Variants in ZNF708 observed in about 807,000 individuals in gnomAD.
The protein encoded by ZNF708 is zinc finger protein 708, also known as ZNF15, ZNF15L1.
A neutral mutation model predicts 47.0 loss-of-function variants in ZNF708; 44 were observed. The observed-to-expected ratio is 0.94, with a 90% CI of 0.74 to 1.20. The LOEUF (loss-of-function observed/expected upper bound fraction) is 1.20, where lower values mean the gene tolerates loss of function less well. Among genes scored for constraint, ZNF708 ranks in the 50% most tolerant of loss-of-function variants. The pLI, the probability that ZNF708 is intolerant of heterozygous loss-of-function variation, is 0.00. For missense variants in ZNF708, 557 were observed against 656.0 expected (o/e 0.85, Z 1.65); for synonymous variants, 184 against 218.5 (o/e 0.84, Z 1.39).
At chr19:21,313,520 G>A (rs1223503643) in intron 1 of ZNF708, among the ~76,000 whole-genome samples, 2 of 151,990 alleles carry the variant, frequency 1.3e-5, no homozygotes, top group Non-Finnish European at 2.9e-5. Context: ...AGCACTTTGG[G>A]AGGCCCAGGC....
intron 1 of ZNF708, among the ~76,000 whole-genome samples, chr19:21,319,933 T>C (rs1973093215): frequency 1.3e-5 from 2 of 152,142 alleles, no homozygotes; most frequent in South Asian, 4.1e-4. Flanking sequence ...CCAAGCACTT[T>C]GGGAGGCCTA....
chr19:21,310,709 G>A (rs753896792), intron 1 of ZNF708, 82 bp from the exon 2 acceptor site: 42 of 1,212,406 alleles, frequency 3.5e-5, no homozygotes, highest in Non-Finnish European at 4.4e-5. Context: ...AAATGAGAGA[G>A]TAAAGAGAAC....
chr19:21,316,281 C>A (rs892810918), intron 1 of ZNF708, among the ~76,000 whole-genome samples: 1 of 151,532 alleles, frequency 6.6e-6, no homozygotes, highest in Non-Finnish European at 1.5e-5. Flanking sequence ...TGCGCCACCA[C>A]GCCTGGCTAA....
chr19:21,297,390 A>G (rs979959491), intron 3 of ZNF708, among the ~76,000 whole-genome samples: 1 of 147,864 alleles, frequency 6.8e-6, no homozygotes, highest in Non-Finnish European at 1.5e-5. Flanking sequence ...TGGTGCAAAT[A>G]AGGTTAATTT....
intron 1 of ZNF708, among the ~76,000 whole-genome samples, chr19:21,320,768 TAAAA>T (rs55662605): frequency 2.9e-4 from 32 of 111,874 alleles, no homozygotes; most frequent in African/African-American, 4.2e-4. Context: ...CTCTGGCCAT[TAAAA>T]AAAAAAAAAA....
rs540917120 is a variant in ZNF708, at chr19:21,306,447, C to T, written c.226+2799G>A. Among the ~76,000 whole-genome samples, 11 of 151,580 alleles carry T rather than the reference C, an allele frequency of 7.3e-5. No homozygotes were observed. In the South Asian group the frequency reaches 2.3e-3, roughly 32 times the overall value. On this transcript the variant is annotated intron_variant, in intron 3 of 3. Coordinates refer to ENST00000356929, the MANE Select transcript of ZNF708 (RefSeq NM_021269.3). The stretch of plus-strand genomic sequence containing the variant: ...CTGAATTTTCATTTAAAAAGATACC[C>T]AAATGGGAAAAAGTATTTGAAAAGA...
intron 1 of ZNF708, among the ~76,000 whole-genome samples, chr19:21,314,498 A>T (rs1612863): frequency 1.3e-5 from 2 of 152,222 alleles, no homozygotes; most frequent in African/African-American, 4.8e-5. Flanking sequence ...AAAGTGGCCC[A>T]AATAAAGCTC....
chr19:21,320,814 C>T (rs1198874458), intron 1 of ZNF708, among the ~76,000 whole-genome samples: 1 of 144,074 alleles, frequency 6.9e-6, no homozygotes, highest in African/African-American at 2.6e-5. Flanking sequence ...TGTGCAGCAA[C>T]ATGGATAGAG....
Position 21,329,308 on chromosome 19 carries a change from AC to A in ZNF708, c.-97del. 6.4e-7 allele frequency: 1 copy of A among 1,566,436 alleles called. No homozygotes were observed. On this transcript the variant is annotated 5_prime_UTR_variant, in exon 1 of 4. Transcript: ENST00000356929. ...GAGTCTGGGCCTCTAGGAGCAGAGG[AC>A]AAACAGCAGTGAAGACGAGACCGGA...
chr19:21,297,677 C>T (rs556792674), intron 3 of ZNF708, among the ~76,000 whole-genome samples: 34 of 145,388 alleles, frequency 2.3e-4, no homozygotes, highest in South Asian at 2.0e-3. Flanking sequence ...TAATTTTCAA[C>T]GAAATGATTT....
Position 21,329,405 on chromosome 19 carries a change from C to CT in ZNF708, c.-194dup, listed in dbSNP as rs1599697060. 4.0e-6 allele frequency: 3 copies of CT among 741,620 alleles called. No homozygotes were observed. The East Asian group carries it at 9.5e-5, about 23-fold the overall frequency. 45.9% of individuals were successfully genotyped at this position (741,620 alleles called of 1,614,324 possible). Reference sequence around the variant, plus strand: ...CGCCCTGTCCGGTCCAGCTGCGTGTCTGAGTGAACTGTCCCCAGCTCAGAG... The same window carrying CT: ...CGCCCTGTCCGGTCCAGCTGCGTGTCTTGAGTGAACTGTCCCCAGCTCAGAG... On this transcript the variant is annotated 5_prime_UTR_variant, in exon 1 of 4. Transcript: ENST00000356929.
At chr19:21,308,403 C>T (rs1477281227) in intron 3 of ZNF708, among the ~76,000 whole-genome samples, 1 of 152,034 alleles carries the variant, frequency 6.6e-6, no homozygotes, top group Non-Finnish European at 1.5e-5. Context: ...CCTCAGCCTC[C>T]AGAGTAGCTG....
rs201200793 is a variant in ZNF708, at chr19:21,316,105, C to CCTTTT, written c.4-5483_4-5479dup. 2.8e-3 allele frequency among the ~76,000 whole-genome samples: 413 copies of CCTTTT among 147,180 alleles called. 3 individuals are homozygous for CCTTTT. Among genetic ancestry groups the CCTTTT allele is most frequent in the African/African-American group, 9.7e-3 (386 of 39,782 alleles). ...AACCTTTTATATAGGAAATGCAAAT[C>CCTTTT]CTTTTCTTTTCTTTTCTTTTCTTTT... On this transcript the variant is annotated intron_variant, in intron 1 of 3. Coordinates refer to ENST00000356929, the MANE Select transcript of ZNF708 (RefSeq NM_021269.3).
intron 1 of ZNF708, among the ~76,000 whole-genome samples, chr19:21,315,005 A>C (rs2997219): frequency 7.9e-5 from 12 of 152,288 alleles, no homozygotes; most frequent in African/African-American, 2.6e-4. Context: ...CTCCAGAATT[A>C]CTTGTTCTGA....
chr19:21,317,475 T>C (rs1973039909), intron 1 of ZNF708, among the ~76,000 whole-genome samples: 1 of 152,106 alleles, frequency 6.6e-6, no homozygotes, highest in African/African-American at 2.4e-5. Context: ...ACTGGAATCC[T>C]GAGAGGGAAA....
chr19:21,306,205 A>G (rs1972760636), intron 3 of ZNF708, among the ~76,000 whole-genome samples: 1 of 152,214 alleles, frequency 6.6e-6, no homozygotes, highest in Non-Finnish European at 1.5e-5. Flanking sequence ...AGCAACAACA[A>G]CAACAACAAT....
intron 3 of ZNF708, among the ~76,000 whole-genome samples, chr19:21,304,570 C>T (rs509540): frequency 0.2 from 30,308 of 152,048 alleles, 3,274 homozygotes; most frequent in Non-Finnish European, 0.24. Context: ...TGTTCTGTTA[C>T]GACACATACC....
chr19:21,304,582 A>C (rs890238104), intron 3 of ZNF708, among the ~76,000 whole-genome samples: 2 of 152,196 alleles, frequency 1.3e-5, no homozygotes, highest in Admixed American at 6.5e-5. Flanking sequence ...ACACATACCA[A>C]GTCTTATTAA....
intron 3 of ZNF708, among the ~76,000 whole-genome samples, chr19:21,305,589 G>A (rs1356399226): frequency 1.3e-5 from 2 of 151,538 alleles, no homozygotes; most frequent in Admixed American, 6.6e-5. Flanking sequence ...CTCCTGAGTA[G>A]CTGGGAATAC....
Sources: gnomAD v4.1 joint callset for allele counts (sites outside exome capture counted in the v4.1 genomes callset) on GRCh38, gnomAD v4.1.1 for gene constraint, MANE v1.5 for transcripts, NCBI Gene and HGNC (gene_info 2026-07-23, HGNC 2026-07-21) for gene names.